ZBTB20: variants seen among roughly 807,000 people sequenced by gnomAD.
ZBTB20 encodes zinc finger and BTB domain containing 20.
ZBTB20 carries 9 observed loss-of-function variants against 56.9 expected under a neutral mutation model. That is an observed-to-expected ratio of 0.16 (90% CI 0.10 to 0.28). ZBTB20 has a LOEUF of 0.28. Ranked by LOEUF, ZBTB20 falls within the 10% of genes least tolerant of loss-of-function variation. The probability of loss-of-function intolerance (pLI) is 1.00; values close to 1 mark genes in which losing one functional copy is unlikely to be tolerated. For missense variants in ZBTB20, 655 were observed against 1,003.0 expected (o/e 0.65, Z 4.69); for synonymous variants, 417 against 420.7 (o/e 0.99, Z 0.11).
At chr3:114,944,557 T>C (rs917746249) in intron 3 of ZBTB20, among the ~76,000 whole-genome samples, 6 of 145,668 alleles carry the variant, frequency 4.1e-5, no homozygotes, top group Admixed American at 2.7e-4. Context: ...TTATTCACGA[T>C]AGCTAAGATA....
At position 114,380,229 on chromosome 3, in the gene ZBTB20, C is replaced by T. The variant is rs757544325; in HGVS notation, c.187G>A (p.Gly63Arg). Residue 63 changes from glycine (G) to arginine (R), a missense_variant, in exon 10 of 12, where the codon GGG (glycine) becomes AGG (arginine). This residue lies in a region of ZBTB20 where 79 missense variants were observed against 78.4 expected (regional missense o/e 1.01). Coordinates refer to ENST00000675478, the MANE Select transcript of ZBTB20 (RefSeq NM_001348800.3). ...GTGGTGTACTCACAATCAGATGACC[C>T]GGTGTGAGCGTGAGAGTTTGTCAGT... is the stretch of plus-strand genomic sequence containing the variant. Reference protein sequence around the residue: ...HSLTNSHAHTGSSDCDISCKG... With the variant: ...HSLTNSHAHTRSSDCDISCKG... The T allele has an allele frequency of 4.0e-5, 62 of 1,535,990 alleles. No individual in the cohort carries two copies. The highest frequency in any genetic ancestry group is 3.5e-5 in the Non-Finnish European group (40 of 1,146,372).
At chr3:114,567,372 G>A (rs905241276) in intron 6 of ZBTB20, among the ~76,000 whole-genome samples, 1 of 152,086 alleles carries the variant, frequency 6.6e-6, no homozygotes, top group Admixed American at 6.6e-5. Context: ...CATAAATGCC[G>A]TTTCCTACTA....
intron 4 of ZBTB20, among the ~76,000 whole-genome samples, chr3:114,872,246 C>A (rs2076040860): frequency 6.6e-6 from 1 of 152,096 alleles, no homozygotes; most frequent in African/African-American, 2.4e-5. Context: ...ATACTGGGAA[C>A]ACAAGGATTA....
chr3:114,930,998 GA>G, intron 3 of ZBTB20: 1 of 177,122 alleles, frequency 5.6e-6, no homozygotes, highest in South Asian at 1.5e-4. Context: ...TGAGAGTGGA[GA>G]AAAGAACGAA....
chr3:114,795,875 T>C (rs1308292970), intron 5 of ZBTB20, among the ~76,000 whole-genome samples: 1 of 152,084 alleles, frequency 6.6e-6, no homozygotes, highest in Non-Finnish European at 1.5e-5. Flanking sequence ...GTAGACTCAG[T>C]AGGGCTAAGA....
At chr3:114,719,729 G>A (rs1157332725) in intron 5 of ZBTB20, among the ~76,000 whole-genome samples, 1 of 152,054 alleles carries the variant, frequency 6.6e-6, no homozygotes, top group African/African-American at 2.4e-5. Context: ...TTAGGATTTT[G>A]ACTAAAAAAT....
intron 10 of ZBTB20, among the ~76,000 whole-genome samples, chr3:114,379,920 GAATA>G (rs2084109316): frequency 6.6e-6 from 1 of 152,154 alleles, no homozygotes; most frequent in African/African-American, 2.4e-5. Flanking sequence ...TCCAGATCAA[GAATA>G]AATGGATACC....
intron 3 of ZBTB20, among the ~76,000 whole-genome samples, chr3:114,969,960 A>G (rs1289967179): frequency 6.6e-6 from 1 of 152,220 alleles, no homozygotes; most frequent in Non-Finnish European, 1.5e-5. Context: ...GTAAATCACA[A>G]TATGATAAGA....
chr3:114,739,867 T>A (rs1034492267), intron 5 of ZBTB20, among the ~76,000 whole-genome samples: 1 of 152,234 alleles, frequency 6.6e-6, no homozygotes, highest in Non-Finnish European at 1.5e-5. Context: ...CCTGCCTTTA[T>A]GAGAATATGC....
At chr3:114,514,169 A>C (rs575682129) in intron 6 of ZBTB20, among the ~76,000 whole-genome samples, 2 of 152,266 alleles carry the variant, frequency 1.3e-5, no homozygotes, top group African/African-American at 4.8e-5. Context: ...AAAGGAAAAA[A>C]ATAAAATTTA....
At chr3:114,871,180 T>A (rs780604222) in intron 4 of ZBTB20, among the ~76,000 whole-genome samples, 6 of 152,090 alleles carry the variant, frequency 3.9e-5, no homozygotes, top group Non-Finnish European at 7.4e-5. Flanking sequence ...GCAAATACCC[T>A]CTTATTATCT....
chr3:114,444,929 T>G lies in ZBTB20; in HGVS notation c.-255+55423A>C, dbSNP rs1198785869. On this transcript the variant is annotated intron_variant, in intron 7 of 11. Coordinates refer to ENST00000675478, the MANE Select transcript of ZBTB20 (RefSeq NM_001348800.3). Reference sequence around the variant, plus strand: ...TTGTAATATATATGTATTTTCAAATTCTACATGGTCCTCGACCAGATATTC... The same window carrying G: ...TTGTAATATATATGTATTTTCAAATGCTACATGGTCCTCGACCAGATATTC... Among the ~76,000 whole-genome samples, 6 of 152,128 alleles carry G rather than the reference T, an allele frequency of 3.9e-5. No individual in the cohort carries two copies. In the East Asian group the frequency reaches 7.7e-4, roughly 20 times the overall value.
chr3:114,346,719 T>C (rs2080215250), intron 11 of ZBTB20, among the ~76,000 whole-genome samples: 1 of 148,828 alleles, frequency 6.7e-6, no homozygotes, highest in African/African-American at 2.6e-5. Context: ...AGAGTCCTGC[T>C]ATGTTGCCCG....
intron 4 of ZBTB20, among the ~76,000 whole-genome samples, chr3:114,839,465 A>AAGAAAGAAAGAAAGAAAGAG (rs767019231): frequency 4.0e-4 from 59 of 148,350 alleles, no homozygotes; most frequent in African/African-American, 1.1e-3. Flanking sequence ...GAAAGAAAGA[A>AAGAAAGAAAGAAAGAAAGAG]AGAGAGAGAG....
chr3:114,774,352 C>T (rs1035703073), intron 5 of ZBTB20, among the ~76,000 whole-genome samples: 1 of 152,126 alleles, frequency 6.6e-6, no homozygotes, highest in Admixed American at 6.5e-5. Context: ...ACTAATACCA[C>T]ACTTTGAATC....
intron 3 of ZBTB20, among the ~76,000 whole-genome samples, chr3:114,938,168 TA>T (rs1163354327): frequency 7.3e-6 from 1 of 137,566 alleles, no homozygotes; most frequent in Non-Finnish European, 1.5e-5. Flanking sequence ...AGATTCTGGA[TA>T]TTAGCCCTTT....
At chr3:114,910,776 C>G (rs139020930) in intron 3 of ZBTB20, among the ~76,000 whole-genome samples, 2,603 of 151,976 alleles carry the variant, frequency 0.017, 49 homozygotes, top group South Asian at 0.068. Flanking sequence ...CTCTAAAGAC[C>G]ATGTACTTAA....
At chr3:114,444,164 A>G (rs1038381273) in intron 7 of ZBTB20, among the ~76,000 whole-genome samples, 1 of 152,202 alleles carries the variant, frequency 6.6e-6, no homozygotes, top group Non-Finnish European at 1.5e-5. Flanking sequence ...ATAAGATAGT[A>G]AAATATACCA....
At chr3:115,140,427 G>A (rs2084780005) in intron 1 of ZBTB20, among the ~76,000 whole-genome samples, 1 of 151,998 alleles carries the variant, frequency 6.6e-6, no homozygotes, top group Non-Finnish European at 1.5e-5. Flanking sequence ...TAGAAGTAAT[G>A]AAAACTACAA....
Sources: allele counts gnomAD v4.1 joint callset (sites outside exome capture counted in the v4.1 genomes callset), GRCh38; gene constraint gnomAD v4.1.1; regional missense constraint gnomAD v4.1.1; transcripts MANE v1.5; gene names NCBI Gene and HGNC (gene_info 2026-07-23, HGNC 2026-07-21).